FAAH2: variants seen among roughly 807,000 people sequenced by gnomAD.
FAAH2 encodes fatty-acid amide hydrolase 2.
FAAH2 carries 60 observed loss-of-function variants against 36.9 expected under a neutral mutation model. The observed-to-expected ratio is 1.63, with a 90% confidence interval of 1.32 to 2.02. The LOEUF is 2.02. Among genes scored for constraint, FAAH2 ranks in the 30% most tolerant of loss-of-function variants. FAAH2 has a pLI of 0.00. For synonymous variants in FAAH2, 214 were observed against 143.8 expected (o/e 1.49, Z -3.49); for missense variants, 689 against 397.5 (o/e 1.73, Z -6.23).
chrX:57,310,201 G>A (rs1346230722), intron 2 of FAAH2, among the ~76,000 whole-genome samples: 2 of 111,747 alleles, frequency 1.8e-5, no homozygotes, highest in Non-Finnish European at 3.8e-5. Flanking sequence ...TTTTTTTCAT[G>A]TTTGTTGGCT....
At chrX:57,416,384 G>A (rs1425912668) in intron 7 of FAAH2, among the ~76,000 whole-genome samples, 1 of 110,208 alleles carries the variant, frequency 9.1e-6, no homozygotes, top group Non-Finnish European at 1.9e-5. Context: ...TCCTTTCCAT[G>A]TTTAGTGCTT....
intron 7 of FAAH2, among the ~76,000 whole-genome samples, chrX:57,384,072 G>A (rs2054937686): frequency 9.0e-6 from 1 of 111,583 alleles, no homozygotes; most frequent in Non-Finnish European, 1.9e-5. Flanking sequence ...AAGAAATGGG[G>A]AAACAATTCC....
intron 10 of FAAH2, among the ~76,000 whole-genome samples, chrX:57,475,886 T>C (rs1057483004): frequency 1.8e-5 from 2 of 111,620 alleles, no homozygotes; most frequent in African/African-American, 6.5e-5. Flanking sequence ...TGTTTTGTAG[T>C]TCTCCTTGAA....
At chrX:57,134,161 T>C in the FAAH2 span, among the ~76,000 whole-genome samples, 5 of 111,552 alleles carry the variant, frequency 4.5e-5, no homozygotes, top group Non-Finnish European at 9.4e-5. Context: ...CACCATAGTT[T>C]TGAGGGACTT....
chrX:57,156,191 T>G, the FAAH2 span, among the ~76,000 whole-genome samples: 1 of 112,457 alleles, frequency 8.9e-6, no homozygotes, highest in African/African-American at 3.2e-5. Flanking sequence ...ATTCTGTCAA[T>G]TGAATTTTTC....
the FAAH2 span, among the ~76,000 whole-genome samples, chrX:57,251,423 C>A: frequency 9.0e-6 from 1 of 111,707 alleles, no homozygotes; most frequent in Non-Finnish European, 1.9e-5. Context: ...CTGAAAGTTT[C>A]TCCTCTAAGA....
chrX:57,277,262 T>C, the FAAH2 span, among the ~76,000 whole-genome samples: 1 of 111,969 alleles, frequency 8.9e-6, no homozygotes, highest in Non-Finnish European at 1.9e-5. Flanking sequence ...GACGCAAGGC[T>C]GGTTCAACAT....
chrX:57,203,681 G>C, the FAAH2 span, among the ~76,000 whole-genome samples: 8 of 111,938 alleles, frequency 7.1e-5, no homozygotes, highest in Admixed American at 3.8e-4. Flanking sequence ...GAGCCTCCAA[G>C]TATTTTTATC....
chrX:57,435,577 TAAA>T (rs895797122), intron 8 of FAAH2, among the ~76,000 whole-genome samples: 1 of 109,592 alleles, frequency 9.1e-6, no homozygotes, highest in African/African-American at 3.3e-5. Context: ...GATATTAAAT[TAAA>T]AAGTTAAAAA....
the FAAH2 span, among the ~76,000 whole-genome samples, chrX:57,131,868 A>G: frequency 1.8e-5 from 2 of 112,278 alleles, no homozygotes; most frequent in Non-Finnish European, 3.8e-5. Context: ...GTCAACTTCT[A>G]TGTCCAGTAG....
chrX:57,321,620 A>T (rs2053028886), intron 3 of FAAH2, among the ~76,000 whole-genome samples: 1 of 110,060 alleles, frequency 9.1e-6, no homozygotes, highest in South Asian at 3.9e-4. Flanking sequence ...TCAATTTTTA[A>T]AATTTTGAGC....
intron 1 of FAAH2, 83 bp downstream of exon 1, chrX:57,287,100 T>C (rs1458697757): frequency 1.2e-5 from 12 of 983,370 alleles, no homozygotes; most frequent in Non-Finnish European, 1.6e-5. Context: ...TGGTTGTGGT[T>C]TCCTTTCCAT....
chrX:57,276,687 T>C, the FAAH2 span, among the ~76,000 whole-genome samples: 2 of 110,721 alleles, frequency 1.8e-5, no homozygotes, highest in East Asian at 2.8e-4. Context: ...GCAAGACTAA[T>C]ATAGAAGAAA....
At chrX:57,193,508 A>G in the FAAH2 span, among the ~76,000 whole-genome samples, 3 of 111,238 alleles carry the variant, frequency 2.7e-5, no homozygotes, top group Non-Finnish European at 3.8e-5. Context: ...CCCACACCCT[A>G]TTTGTACACT....
the FAAH2 span, among the ~76,000 whole-genome samples, chrX:57,276,160 C>T: frequency 1.8e-5 from 2 of 111,814 alleles, no homozygotes; most frequent in African/African-American, 6.5e-5. Context: ...TAAAAATGAC[C>T]ACATAATTGG....
chrX:57,428,073 T>C (rs771359212), intron 7 of FAAH2, among the ~76,000 whole-genome samples: 1 of 111,751 alleles, frequency 8.9e-6, no homozygotes, highest in African/African-American at 3.2e-5. Context: ...ACAAAATCTA[T>C]GTACAAAAAT....
intron 4 of FAAH2, among the ~76,000 whole-genome samples, chrX:57,332,881 T>A (rs182505392): frequency 9.1e-4 from 101 of 111,597 alleles, no homozygotes; most frequent in African/African-American, 3.3e-3. Context: ...CTTAGTAAGG[T>A]TTTACAAGAA....
At chrX:57,344,493 G>A (rs2053768868) in intron 5 of FAAH2, among the ~76,000 whole-genome samples, 1 of 111,238 alleles carries the variant, frequency 9.0e-6, no homozygotes, top group African/African-American at 3.3e-5. Context: ...TCAATTCCAG[G>A]AGCCTTTTGG....
At chrX:57,161,576 A>G in the FAAH2 span, among the ~76,000 whole-genome samples, 1 of 111,722 alleles carries the variant, frequency 9.0e-6, no homozygotes, top group Admixed American at 9.5e-5. Context: ...TAGGAGAGCT[A>G]GCTCTTCTTG....
Sources: gnomAD v4.1 joint callset for allele counts (sites outside exome capture counted in the v4.1 genomes callset) on GRCh38, gnomAD v4.1.1 for gene constraint, MANE v1.5 for transcripts, NCBI Gene and HGNC (gene_info 2026-07-23, HGNC 2026-07-21) for gene names.